The following WDR90 variants were observed in gnomAD, a reference collection of about 807,000 sequenced individuals.
The protein encoded by WDR90 is WD repeat domain 90, also known as WD repeat-containing protein 90.
A neutral mutation model predicts 195.2 loss-of-function variants in WDR90; 238 were observed. That is an observed-to-expected ratio of 1.22 (90% CI 1.10 to 1.36). The LOEUF (loss-of-function observed/expected upper bound fraction) is 1.36, where lower values mean the gene tolerates loss of function less well. Ranked by LOEUF, WDR90 falls within the 40% of genes most tolerant of loss-of-function variation. The pLI is 0.00. For synonymous variants in WDR90, 1,265 were observed against 1,052.4 expected (o/e 1.20, Z -3.91); for missense variants, 2,734 against 2,439.5 (o/e 1.12, Z -2.54).
Position 650,684 on chromosome 16 carries a change from C to T in WDR90, c.534C>T (p.Tyr178=), listed in dbSNP as rs1335607780. 6.2e-7 allele frequency: 1 copy of T among 1,610,884 alleles called. No homozygotes were observed. Among genetic ancestry groups the T allele is most frequent in the Non-Finnish European group, 8.5e-7 (1 of 1,178,380 alleles). Residue 178 remains tyrosine, a synonymous_variant, in exon 5 of 41, where the codon TAC becomes TAT. Coordinates refer to ENST00000293879, the MANE Select transcript of WDR90 (RefSeq NM_145294.5). ...LCASLLVRNL[Y]TSDLCFEPAI... is the part of the protein sequence containing the mutation. ...CCAGCCTGCTGGTCAGGAACCTGTA[C>T]ACCAGTGACCTGTGCTTTGAGCCTG...
chr16:651,526 T>A, intron 7 of WDR90, 118 bp from the exon 8 acceptor site: 1 of 1,091,376 alleles, frequency 9.2e-7, no homozygotes, highest in African/African-American at 1.6e-5. Context: ...ATACTGGCTG[T>A]GGGTCCTGCA....
At chr16:650,745 C>A in intron 5 of WDR90, 36 bp downstream of exon 5, 1 of 1,592,436 alleles carries the variant, frequency 6.3e-7, no homozygotes, top group South Asian at 1.1e-5. Flanking sequence ...CTCCATATCT[C>A]ACCCATGCTC....
chr16:652,652 G>C lies in WDR90; in HGVS notation c.1122+117G>C. 2 of 1,135,828 alleles carry C rather than the reference G, an allele frequency of 1.8e-6. 1 individual carries two copies. Among genetic ancestry groups the C allele is most frequent in the Admixed American group, 6.5e-5 (2 of 30,558 alleles). The allele number at this position is 1,135,828 out of a possible 1,614,324, so 70.4% of individuals were successfully genotyped here. The stretch of plus-strand genomic sequence containing the variant: ...GTGGTGGCTGTGTGTGGGCTCCCGA[G>C]CCCCCCTGGCACAGCGGTCCCGTCC... On this transcript the variant is annotated intron_variant, in intron 10 of 40. Transcript: ENST00000293879.
chr16:667,545 G>T lies in WDR90; in HGVS notation c.5203G>T (p.Ala1735Ser). Reference sequence around the variant, plus strand: ...ACCGTCCGCCAGGCTGCTCTTCACGGCCGCCCGCAACGAGATCCTTGTGTG... The same window carrying T: ...ACCGTCCGCCAGGCTGCTCTTCACGTCCGCCCGCAACGAGATCCTTGTGTG... ...FTPSARLLFTAARNEILVWEV... is the reference protein window; with the variant it reads ...FTPSARLLFTSARNEILVWEV... Residue 1735 changes from alanine (A) to serine (S), a missense_variant, in exon 41 of 41, where the codon GCC (alanine) becomes TCC (serine). Ala to Ser is a moderately conservative substitution (Grantham distance 99). Transcript: ENST00000293879. 6.2e-7 allele frequency: 1 copy of T among 1,611,428 alleles called. No homozygotes were observed. Among genetic ancestry groups the T allele is most frequent in the Non-Finnish European group, 8.5e-7 (1 of 1,179,946 alleles).
rs1281497845 is a variant in WDR90 at position 650,546 on chromosome 16, G to A, written c.396G>A (p.Val132=). ...TGAGTGCCCATCCTGCAGATCTGGT[G>A]GGTTTGGCCCCCTCCGGAGCCCGCT... ...LEARTPQRDL[V]GLAPSGARWT... Residue 132 remains valine, a synonymous_variant, in exon 5 of 41, where the codon GTG becomes GTA. Coordinates refer to ENST00000293879, the MANE Select transcript of WDR90 (RefSeq NM_145294.5). The A allele has an allele frequency of 6.2e-7, 1 of 1,605,474 alleles. No homozygotes were observed. The highest frequency in any genetic ancestry group is 8.5e-7 in the Non-Finnish European group (1 of 1,174,516).
chr16:664,619 C>G (rs540292275), intron 34 of WDR90, among the ~76,000 whole-genome samples: 2 of 152,160 alleles, frequency 1.3e-5, no homozygotes, highest in African/African-American at 4.8e-5. Flanking sequence ...AGGGCCCTCC[C>G]GGGGAGATGG....
chr16:662,409 G>C lies in WDR90; in HGVS notation c.4145+78G>C, dbSNP rs1027987943. ...GACTGGGGCTTGCAGCCAGTGCCCCGCCCCCGCAAAGGCCGCCCTGCAGAC... is the reference window on the plus strand; with the variant it reads ...GACTGGGGCTTGCAGCCAGTGCCCCCCCCCCGCAAAGGCCGCCCTGCAGAC... On this transcript the variant is annotated intron_variant, in intron 33 of 40. Transcript: ENST00000293879. 7 of 1,502,100 alleles carry C rather than the reference G, an allele frequency of 4.7e-6. No individual in the cohort carries two copies. In the East Asian group the frequency reaches 1.5e-4, roughly 32 times the overall value. 93.0% of individuals were successfully genotyped at this position (1,502,100 alleles called of 1,614,324 possible). A position where few individuals can be genotyped will look rare whatever the true frequency, so the allele number is the denominator to read the frequency against.
Position 666,313 on chromosome 16 carries a change from G to A in WDR90, c.4703G>A (p.Gly1568Asp), listed in dbSNP as rs2038039898. ...TTCCGTGTGCTGAGTGACCACCAGGGCGCCCCAATCTCTACCATCTGTGTC... is the reference window on the plus strand; with the variant it reads ...TTCCGTGTGCTGAGTGACCACCAGGACGCCCCAATCTCTACCATCTGTGTC... ...TTFRVLSDHQ[G>D]APISTICVTC... Residue 1568 changes from glycine (G) to aspartate (D), a missense_variant, in exon 37 of 41, where the codon GGC becomes GAC. Gly to Asp is a moderately conservative substitution (Grantham distance 94). Transcript: ENST00000293879. 5 of 1,612,728 alleles carry A rather than the reference G, an allele frequency of 3.1e-6. No individual in the cohort carries two copies. Among genetic ancestry groups the A allele is most frequent in the Non-Finnish European group, 4.2e-6 (5 of 1,179,988 alleles).
chr16:666,629 G>T (rs369520079), intron 38 of WDR90, 31 bp downstream of exon 38: 12 of 1,611,632 alleles, frequency 7.4e-6, no homozygotes, highest in Non-Finnish European at 6.8e-6. Context: ...TGTGGGTGGG[G>T]CCGGTACCCA....
intron 29 of WDR90, 37 bp from the exon 30 acceptor site, chr16:661,305 C>G: frequency 6.4e-7 from 1 of 1,556,966 alleles, no homozygotes; most frequent in South Asian, 1.2e-5. Flanking sequence ...CAGCCAGCCA[C>G]GGCCTCCCCA....
Position 651,871 on chromosome 16 carries a change from C to T in WDR90, c.885C>T (p.Ser295=), listed in dbSNP as rs375464089. The change falls in exon 9 of 41, where the codon AGC becomes AGT. Residue 295 remains serine (S), a synonymous_variant. Coordinates refer to ENST00000293879, the MANE Select transcript of WDR90 (RefSeq NM_145294.5). The stretch of plus-strand genomic sequence containing the variant: ...CACCCAGGCCCTTCCCGGAGGTCAG[C>T]CTGTCCCAAGAGCGCTCAGACGCCT... ...ALAPRPFPEV[S]LSQERSDASN... is the part of the protein sequence containing the mutation. 8.3e-5 allele frequency: 134 copies of T among 1,610,532 alleles called. No individual in the cohort carries two copies. The highest frequency in any genetic ancestry group is 1.1e-4 in the Non-Finnish European group (133 of 1,179,878).
At position 656,309 on chromosome 16, in the gene WDR90, G is replaced by A. The variant is rs1288012071; in HGVS notation, c.1974G>A (p.Glu658=). The A allele has an allele frequency of 9.3e-6, 15 of 1,606,316 alleles. No individual in the cohort carries two copies. The highest frequency in any genetic ancestry group is 1.1e-5 in the Non-Finnish European group (13 of 1,177,898). ...ACCCCACCCCACCCACAGAGCACGAGGGCCCCGTCAGCTCAGTCTGTGTCA... is the reference window on the plus strand; with the variant it reads ...ACCCCACCCCACCCACAGAGCACGAAGGCCCCGTCAGCTCAGTCTGTGTCA... ...FSSVLLEAEH[E]GPVSSVCVSP... is the part of the protein sequence containing the mutation. Residue 658 remains glutamate, a synonymous_variant, in exon 18 of 41, where the codon GAG becomes GAA. Coordinates refer to ENST00000293879, the MANE Select transcript of WDR90 (RefSeq NM_145294.5).
chr16:661,039 C>T lies in WDR90; in HGVS notation c.3392-12C>T, dbSNP rs2037899188. 9 of 1,285,976 alleles carry T rather than the reference C, an allele frequency of 7.0e-6. No individual in the cohort carries two copies. The highest frequency in any genetic ancestry group is 1.1e-4 in the East Asian group (2 of 18,104). The allele number at this position is 1,285,976 out of a possible 1,614,324, so 79.7% of individuals were successfully genotyped here. A position where few individuals can be genotyped will look rare whatever the true frequency, so the allele number is the denominator to read the frequency against. On this transcript the variant is annotated splice_polypyrimidine_tract_variant and intron_variant, in intron 28 of 40. Coordinates refer to ENST00000293879, the MANE Select transcript of WDR90 (RefSeq NM_145294.5). ...CCGGCCCGGCCTCAGGCCCCGCCCTCTCTGCGCACAGGCTTCTTTGCCTAC... is the reference window on the plus strand; with the variant it reads ...CCGGCCCGGCCTCAGGCCCCGCCCTTTCTGCGCACAGGCTTCTTTGCCTAC...
chr16:659,216 CA>C, intron 25 of WDR90, 28 bp from the exon 26 acceptor site: 1 of 1,610,802 alleles, frequency 6.2e-7, no homozygotes, highest in South Asian at 1.1e-5. Flanking sequence ...TCTTCCTTCC[CA>C]AACATCACAG....
rs201825770 is a variant in WDR90, at chr16:650,622, C to T, written c.472C>T (p.Arg158Trp). The change falls in exon 5 of 41, where the codon CGG (arginine) becomes TGG (tryptophan). Residue 158 changes from arginine to tryptophan, a missense_variant. Arg to Trp is a moderately radical substitution (Grantham distance 101). Transcript: ENST00000293879. Reference protein sequence around the residue: ...LQDVLLVYLNRCYGHLKSIRL... With the variant: ...LQDVLLVYLNWCYGHLKSIRL... ...GGACGTTCTCCTGGTCTACCTGAAC[C>T]GGTGCTACGGCCATCTCAAGAGCAT... 918 of 1,612,794 alleles carry T rather than the reference C, an allele frequency of 5.7e-4. 7 individuals carry two copies. Among genetic ancestry groups the T allele is most frequent in the Middle Eastern group, 4.9e-4 (3 of 6,062 alleles).
intron 34 of WDR90, chr16:665,060 T>C (rs1044662): frequency 0.54 from 86,704 of 160,248 alleles, 27,086 homozygotes; most frequent in East Asian, 0.98. Context: ...GTATTGCTTC[T>C]TCTCACTGGT....
At chr16:655,744 C>T in intron 16 of WDR90, 29 bp from the exon 17 acceptor site, 1 of 1,582,590 alleles carries the variant, frequency 6.3e-7, no homozygotes, top group Non-Finnish European at 8.6e-7. Flanking sequence ...GGCAGGGACA[C>T]CGAGGCACTG....
chr16:650,182 G>A lies in WDR90; in HGVS notation c.279+15G>A, dbSNP rs372356844. The A allele has an allele frequency of 1.0e-4, 163 of 1,610,652 alleles. No individual in the cohort carries two copies. The highest frequency in any genetic ancestry group is 1.3e-4 in the Non-Finnish European group (158 of 1,178,248). On this transcript the variant is annotated intron_variant, in intron 3 of 40. Transcript: ENST00000293879. ...TGTCCTCCAAGGTACGGAGCCCGCG[G>A]CTGGGGGCTGCGTGGGAGCCCCGGC...
At chr16:664,750 G>C (rs761000334) in intron 34 of WDR90, among the ~76,000 whole-genome samples, 31 of 151,796 alleles carry the variant, frequency 2.0e-4, no homozygotes, top group Non-Finnish European at 3.2e-4. Flanking sequence ...CATGATCTTG[G>C]CTCACTGCAA....
Sources: gnomAD v4.1 joint callset for allele counts (sites outside exome capture counted in the v4.1 genomes callset) on GRCh38, gnomAD v4.1.1 for gene constraint, MANE v1.5 for transcripts, NCBI Gene and HGNC (gene_info 2026-07-23, HGNC 2026-07-21) for gene names.